ADRA1B: variants seen among roughly 807,000 people sequenced by gnomAD.
ADRA1B encodes the protein alpha-1B adrenergic receptor.
Under a neutral mutation model 17.9 loss-of-function variants are expected in ADRA1B, and 17 were observed. That is an observed-to-expected ratio of 0.95 (90% CI 0.65 to 1.42). The LOEUF is 1.42. ADRA1B is among the 40% of genes most tolerant of loss of function. The pLI, the probability that ADRA1B is intolerant of heterozygous loss-of-function variation, is 0.00. For synonymous variants in ADRA1B, 366 were observed against 327.6 expected (o/e 1.12, Z -1.27); for missense variants, 681 against 722.1 (o/e 0.94, Z 0.65).
intron 1 of ADRA1B, among the ~76,000 whole-genome samples, chr5:159,941,389 A>G (rs1013718417): frequency 1.3e-5 from 2 of 152,234 alleles, no homozygotes; most frequent in African/African-American, 4.8e-5. Context: ...GCCCACGAAC[A>G]TGTTCTTCCT....
the ADRA1B span, among the ~76,000 whole-genome samples, chr5:159,979,243 T>C: frequency 6.6e-6 from 1 of 152,234 alleles, no homozygotes; most frequent in Non-Finnish European, 1.5e-5. Flanking sequence ...ATTAGAACCA[T>C]AGAATCAGCT....
rs369699285 is a variant in ADRA1B at position 159,917,037 on chromosome 5, G to A, written c.132G>A (p.Arg44=). 1.9e-6 allele frequency: 3 copies of A among 1,614,006 alleles called. No individual in the cohort carries two copies. Among genetic ancestry groups the A allele is most frequent in the Non-Finnish European group, 2.5e-6 (3 of 1,180,020 alleles). Reference sequence around the variant, plus strand: ...CACTGCCCCAGCTGGACATCACCAGGGCCATCTCTGTGGGCCTGGTGCTGG... The same window carrying A: ...CACTGCCCCAGCTGGACATCACCAGAGCCATCTCTGTGGGCCTGGTGCTGG... ...NSTLPQLDIT[R]AISVGLVLGA... The change falls in exon 1 of 2, where the codon AGG becomes AGA. Residue 44 remains arginine (R), a synonymous_variant. Transcript: ENST00000306675.
At position 159,917,904 on chromosome 5, in the gene ADRA1B, T is replaced by C. The variant is rs576264886; in HGVS notation, c.949+50T>C. 2.0e-6 allele frequency: 3 copies of C among 1,474,860 alleles called. No individual in the cohort carries two copies. The South Asian group carries it at 3.9e-5, about 19-fold the overall frequency. The allele number at this position is 1,474,860 out of a possible 1,614,324, so 91.4% of individuals were successfully genotyped here. Reference sequence around the variant, plus strand: ...GGACTGGGCATTTTTGGACCTTGGGTTTACTGATGAGCTTACTCTAAAGTT... The same window carrying C: ...GGACTGGGCATTTTTGGACCTTGGGCTTACTGATGAGCTTACTCTAAAGTT... On this transcript the variant is annotated intron_variant, in intron 1 of 1. Transcript: ENST00000306675.
intron 1 of ADRA1B, among the ~76,000 whole-genome samples, chr5:159,962,560 C>T (rs1755684945): frequency 6.6e-6 from 1 of 152,170 alleles, no homozygotes; most frequent in African/African-American, 2.4e-5. Flanking sequence ...GGGATAATCC[C>T]ACCCTGCTCA....
intron 1 of ADRA1B, among the ~76,000 whole-genome samples, chr5:159,883,189 A>G (rs181754619): frequency 3.1e-4 from 47 of 152,218 alleles, no homozygotes; most frequent in African/African-American, 1.1e-3. Flanking sequence ...CTTGGTTTTT[A>G]TCATGCCTCC....
chr5:159,975,193 C>T (rs78459733), downstream of ADRA1B, among the ~76,000 whole-genome samples: 55 of 152,284 alleles, frequency 3.6e-4, 1 homozygote, highest in South Asian at 0.011. Flanking sequence ...ATAAGATCAG[C>T]CCATAGTGGA....
intron 1 of ADRA1B, among the ~76,000 whole-genome samples, chr5:159,904,186 T>C (rs753262615): frequency 6.6e-6 from 1 of 152,220 alleles, no homozygotes; most frequent in Non-Finnish European, 1.5e-5. Flanking sequence ...ATACAGTTAT[T>C]TTTAAGACTA....
intron 1 of ADRA1B, among the ~76,000 whole-genome samples, chr5:159,908,101 A>C (rs1423395823): frequency 6.6e-6 from 1 of 152,074 alleles, no homozygotes; most frequent in African/African-American, 2.4e-5. Context: ...AAACTCACTT[A>C]AGGTTCCCCA....
chr5:159,934,817 CAAA>C (rs111598190), intron 1 of ADRA1B, among the ~76,000 whole-genome samples: 2 of 116,928 alleles, frequency 1.7e-5, no homozygotes, highest in African/African-American at 3.2e-5. Flanking sequence ...GACTCCATCT[CAAA>C]AAAAAAAAAA....
intron 1 of ADRA1B, among the ~76,000 whole-genome samples, chr5:159,911,340 AAG>A (rs1377738337): frequency 2.0e-5 from 3 of 152,174 alleles, no homozygotes; most frequent in African/African-American, 7.2e-5. Flanking sequence ...ACGAAGGCAT[AAG>A]AGAGAATGGA....
At chr5:159,979,332 A>C in the ADRA1B span, among the ~76,000 whole-genome samples, 2 of 152,206 alleles carry the variant, frequency 1.3e-5, no homozygotes, top group African/African-American at 4.8e-5. Flanking sequence ...TGAGAGGGTC[A>C]GTTTTCTTAT....
the ADRA1B span, among the ~76,000 whole-genome samples, chr5:159,980,521 G>A: frequency 6.6e-6 from 1 of 152,178 alleles, no homozygotes; most frequent in Non-Finnish European, 1.5e-5. Context: ...TGGTCATTAG[G>A]ACTTGGGCTT....
chr5:159,882,402 G>A (rs774342698), intron 1 of ADRA1B, among the ~76,000 whole-genome samples: 45 of 152,126 alleles, frequency 3.0e-4, no homozygotes, highest in Non-Finnish European at 5.9e-4. Context: ...TTATATGTCG[G>A]GTTGTTATGT....
intron 1 of ADRA1B, among the ~76,000 whole-genome samples, chr5:159,919,448 C>T (rs1226085565): frequency 1.3e-5 from 2 of 152,198 alleles, no homozygotes; most frequent in African/African-American, 4.8e-5. Context: ...AATGACCACT[C>T]CTGTATGAGC....
chr5:159,947,628 T>C (rs1755313162), intron 1 of ADRA1B: 4 of 846,710 alleles, frequency 4.7e-6, no homozygotes, highest in Non-Finnish European at 5.7e-6. Context: ...GGCTTTCAAA[T>C]TAACGCTAAA....
chr5:159,949,559 T>A (rs1755368353), intron 1 of ADRA1B, among the ~76,000 whole-genome samples: 1 of 152,256 alleles, frequency 6.6e-6, no homozygotes. Context: ...AAAGCAGGAC[T>A]AATACACTCA....
chr5:159,961,884 T>A (rs1755669477), intron 1 of ADRA1B, among the ~76,000 whole-genome samples: 1 of 152,192 alleles, frequency 6.6e-6, no homozygotes, highest in Non-Finnish European at 1.5e-5. Flanking sequence ...CACACTGCAG[T>A]CTCTGAGCCT....
chr5:159,929,923 T>C (rs1561596654), intron 1 of ADRA1B, among the ~76,000 whole-genome samples: 2 of 152,242 alleles, frequency 1.3e-5, no homozygotes, highest in South Asian at 4.1e-4. Context: ...TGAGTGTTTT[T>C]GCATGCAGAA....
intron 1 of ADRA1B, among the ~76,000 whole-genome samples, chr5:159,911,106 C>T (rs1455805884): frequency 6.6e-6 from 1 of 152,150 alleles, no homozygotes; most frequent in African/African-American, 2.4e-5. Context: ...ATGGGGCAAA[C>T]GGCTGCATGC....
Sources: allele counts gnomAD v4.1 joint callset (sites outside exome capture counted in the v4.1 genomes callset), GRCh38; gene constraint gnomAD v4.1.1; transcripts MANE v1.5; gene names NCBI Gene and HGNC (gene_info 2026-07-23, HGNC 2026-07-21).